The following RGS4 variants were observed in gnomAD, a reference collection of about 807,000 sequenced individuals.
The protein encoded by RGS4 is schizophrenia disorder 9.
In RGS4, 15 loss-of-function variants were observed where a neutral mutation model predicts 21.6. The observed-to-expected ratio is 0.69, with a 90% CI of 0.46 to 1.07. The LOEUF (loss-of-function observed/expected upper bound fraction) is 1.07, where lower values mean the gene tolerates loss of function less well. Among genes scored for constraint, RGS4 ranks in the 50% least tolerant of loss-of-function variants. RGS4 has a pLI of 0.00. For synonymous variants in RGS4, 94 were observed against 85.5 expected (o/e 1.10, Z -0.55); for missense variants, 237 against 239.0 (o/e 0.99, Z 0.06).
At chr1:163,072,239 T>A in intron 1 of RGS4, 156 bp from the exon 2 acceptor site, 1 of 850,734 alleles carries the variant, frequency 1.2e-6, no homozygotes, top group Non-Finnish European at 1.7e-6. Flanking sequence ...CCAAGAGGAA[T>A]CTTGTTTTCC....
chr1:163,072,391 G>A lies in RGS4; in HGVS notation c.45-4G>A. 6.2e-7 allele frequency: 1 copy of A among 1,603,450 alleles called. No homozygotes were observed. ...ATTTATTCATTTTTTTCTCTTCTGT[G>A]CAGTGCAAAAGATATGAAACATCGG... is the stretch of plus-strand genomic sequence containing the variant. On this transcript the variant is annotated splice_region_variant and splice_polypyrimidine_tract_variant and intron_variant, in intron 1 of 4. Coordinates refer to ENST00000367909, the MANE Select transcript of RGS4 (RefSeq NM_005613.6).
Position 163,075,902 on chromosome 1 carries a change from C to G in RGS4, c.*1342C>G, listed in dbSNP as rs927884180. On this transcript the variant is annotated 3_prime_UTR_variant, in exon 5 of 5. Coordinates refer to ENST00000367909, the MANE Select transcript of RGS4 (RefSeq NM_005613.6). ...ATTTCATTCCAAACATCGGGGCTAA[C>G]AGAGACTGGAGGCATTTCTTTTTAG... 2.6e-5 allele frequency: 4 copies of G among 152,158 alleles called. No homozygotes were observed. The highest frequency in any genetic ancestry group is 5.9e-5 in the Non-Finnish European group (4 of 67,964). 9.4% of individuals were successfully genotyped at this position (152,158 alleles called of 1,614,324 possible).
At chr1:163,068,915 T>G, upstream of RGS4, 16 of 1,529,136 alleles carry the variant, frequency 1.0e-5, no homozygotes, top group African/African-American at 2.7e-5. Context: ...TTGGAAATCG[T>G]GAGGATCAGA....
intron 4 of RGS4, 171 bp downstream of exon 4, chr1:163,073,793 A>T (rs1655407642): frequency 1.9e-6 from 1 of 536,540 alleles, no homozygotes; most frequent in Admixed American, 3.7e-5. Context: ...TCTTCTAGCT[A>T]TCTTAAAATA....
intron 4 of RGS4, 90 bp from the exon 5 acceptor site, chr1:163,074,231 C>A (rs998964591): frequency 2.0e-6 from 3 of 1,528,766 alleles, no homozygotes; most frequent in Non-Finnish European, 2.7e-6. Context: ...ACAGAGGGTG[C>A]ACTGCCACTT....
At chr1:163,073,759 G>A (rs1004001630) in intron 4 of RGS4, 137 bp downstream of exon 4, 40 of 589,218 alleles carry the variant, frequency 6.8e-5, no homozygotes, top group Middle Eastern at 4.5e-4. Flanking sequence ...TTATTTCTAC[G>A]TGTTGAGAAC....
At chr1:163,072,587 T>G in intron 2 of RGS4, 88 bp downstream of exon 2, 2 of 1,040,096 alleles carry the variant, frequency 1.9e-6, no homozygotes, top group Non-Finnish European at 1.5e-6. Flanking sequence ...GTGCTCCTAG[T>G]TAAGCCAGAT....
intron 2 of RGS4, 145 bp downstream of exon 2, chr1:163,072,644 G>A: frequency 1.2e-6 from 1 of 837,312 alleles, no homozygotes; most frequent in Non-Finnish European, 1.9e-6. Flanking sequence ...AACTACATTT[G>A]AAATTTCTAT....
chr1:163,074,346 A>G lies in RGS4; in HGVS notation c.404A>G (p.Glu135Gly), dbSNP rs774412904. 6 of 1,613,724 alleles carry G rather than the reference A, an allele frequency of 3.7e-6. No individual in the cohort carries two copies. The Admixed American group carries it at 1.0e-4, about 27-fold the overall frequency. The change falls in exon 5 of 5, where the codon GAA (glutamate) becomes GGA (glycine). Residue 135 changes from glutamate to glycine, a missense_variant. Coordinates refer to ENST00000367909, the MANE Select transcript of RGS4 (RefSeq NM_005613.6). ...KEVNLDSCTREETSRNMLEPT... is the reference protein window; with the variant it reads ...KEVNLDSCTRGETSRNMLEPT... ...GTGAACCTGGATTCTTGCACCAGGG[A>G]AGAGACAAGCCGGAACATGCTAGAG...
chr1:163,072,196 C>A, intron 1 of RGS4, 199 bp from the exon 2 acceptor site: 1 of 1,025,946 alleles, frequency 9.7e-7, no homozygotes, highest in Non-Finnish European at 1.3e-6. Flanking sequence ...GGTGTTATGA[C>A]TGCCTCAAGG....
chr1:163,073,355 T>C (rs2102344313), intron 3 of RGS4, 101 bp from the exon 4 acceptor site: 3 of 961,098 alleles, frequency 3.1e-6, no homozygotes, highest in Non-Finnish European at 4.5e-6. Context: ...ATTGCTTGAA[T>C]CCATGCTTTA....
At chr1:163,069,211 C>T (rs1655218816), upstream of RGS4, 2 of 1,528,596 alleles carry the variant, frequency 1.3e-6, no homozygotes, top group African/African-American at 1.4e-5. Flanking sequence ...GTTCACTTAA[C>T]ATTGCTGATG....
Position 163,074,643 on chromosome 1 carries a change from T to G in RGS4, c.*83T>G, listed in dbSNP as rs1655438270. ...GGCCAAATATTGATCTGTATTAAGC[T>G]CCAGTGCTTTATCCACATTGTAGCC... On this transcript the variant is annotated 3_prime_UTR_variant, in exon 5 of 5. Coordinates refer to ENST00000367909, the MANE Select transcript of RGS4 (RefSeq NM_005613.6). The G allele has an allele frequency of 6.3e-7, 1 of 1,582,494 alleles. No individual in the cohort carries two copies.
intron 1 of RGS4, among the ~76,000 whole-genome samples, chr1:163,069,892 G>A (rs1655246805): frequency 6.6e-6 from 1 of 152,098 alleles, no homozygotes; most frequent in Non-Finnish European, 1.5e-5. Flanking sequence ...GGAGTACATA[G>A]AAGCCTGGCT....
chr1:163,071,469 G>A (rs900262701), intron 1 of RGS4, among the ~76,000 whole-genome samples: 3 of 152,006 alleles, frequency 2.0e-5, no homozygotes, highest in African/African-American at 7.2e-5. Context: ...TTAATAAAAA[G>A]AGATGCAAGC....
chr1:163,073,892 C>A, intron 4 of RGS4: 1 of 393,458 alleles, frequency 2.5e-6, no homozygotes, highest in Non-Finnish European at 4.5e-6. Context: ...TCTATTCCTT[C>A]TACCCATTAG....
Position 163,075,796 on chromosome 1 carries a change from A to ATTATATT in RGS4, c.*1242_*1248dup, listed in dbSNP as rs1655476980. On this transcript the variant is annotated 3_prime_UTR_variant, in exon 5 of 5. Coordinates refer to ENST00000367909, the MANE Select transcript of RGS4 (RefSeq NM_005613.6). ...TTTATAAACCAGCAGCAGGGGAAAGATTATATTTTATAAGAGGGAACAAAT... is the reference window on the plus strand; with the variant it reads ...TTTATAAACCAGCAGCAGGGGAAAGATTATATTTTATATTTTATAAGAGGGAACAAAT... 1 of 152,324 alleles carries ATTATATT rather than the reference A, an allele frequency of 6.6e-6. No homozygotes were observed. Among genetic ancestry groups the ATTATATT allele is most frequent in the Non-Finnish European group, 1.5e-5 (1 of 68,016 alleles). 9.4% of individuals were successfully genotyped at this position (152,324 alleles called of 1,614,324 possible). A position where few individuals can be genotyped will look rare whatever the true frequency, so the allele number is the denominator to read the frequency against.
chr1:163,072,615 C>A (rs1655356970), intron 2 of RGS4, 116 bp downstream of exon 2: 1 of 890,236 alleles, frequency 1.1e-6, no homozygotes, highest in Non-Finnish European at 1.8e-6. Context: ...AAGATAGCCT[C>A]CATTTTCATG....
At chr1:163,072,170 T>A in intron 1 of RGS4, 1 of 1,106,530 alleles carries the variant, frequency 9.0e-7, no homozygotes, top group Non-Finnish European at 1.2e-6. Context: ...GAATTCCAGT[T>A]GTGGATGAAG....
Sources: allele counts gnomAD v4.1 joint callset (sites outside exome capture counted in the v4.1 genomes callset), GRCh38; gene constraint gnomAD v4.1.1; transcripts MANE v1.5; gene names NCBI Gene and HGNC (gene_info 2026-07-23, HGNC 2026-07-21).